Variants in CDC20B observed in about 807,000 individuals in gnomAD.
CDC20B encodes the protein cell division cycle protein 20 homolog B.
Under a neutral mutation model 64.1 loss-of-function variants are expected in CDC20B, and 58 were observed. The observed-to-expected ratio is 0.90, with a 90% CI of 0.73 to 1.13. CDC20B has a LOEUF of 1.13. CDC20B is among the 50% of genes most tolerant of loss of function. The pLI is 0.00. For synonymous variants in CDC20B, 243 were observed against 230.6 expected, an observed-to-expected ratio of 1.05 and a Z score of -0.49; for missense variants, 597 against 633.0, an observed-to-expected ratio of 0.94 and a Z score of 0.61.
intron 3 of CDC20B, among the ~76,000 whole-genome samples, chr5:55,144,904 C>T (rs1021035955): frequency 2.0e-5 from 3 of 152,110 alleles, no homozygotes; most frequent in Non-Finnish European, 4.4e-5. Flanking sequence ...TCTTCTAAAA[C>T]AAAAAGAAAG....
chr5:55,160,189 C>T (rs1352008429), intron 2 of CDC20B: 4 of 1,612,442 alleles, frequency 2.5e-6, no homozygotes, highest in Non-Finnish European at 3.4e-6. Flanking sequence ...TAGAATCCTC[C>T]AACATGGAGC....
At chr5:55,116,379 C>A (rs1742627154) in intron 11 of CDC20B, among the ~76,000 whole-genome samples, 1 of 152,084 alleles carries the variant, frequency 6.6e-6, no homozygotes, top group East Asian at 1.9e-4. Flanking sequence ...CCAGCCTGGG[C>A]AACATAGAAA....
At chr5:55,127,047 G>A (rs1033408675) in intron 8 of CDC20B, among the ~76,000 whole-genome samples, 5 of 152,116 alleles carry the variant, frequency 3.3e-5, no homozygotes, top group African/African-American at 7.2e-5. Context: ...CCATGCAGAA[G>A]GCACACATGA....
At chr5:55,125,099 T>G in intron 8 of CDC20B, 71 bp from the exon 9 acceptor site, 1 of 1,273,840 alleles carries the variant, frequency 7.9e-7, no homozygotes, top group Non-Finnish European at 1.1e-6. Flanking sequence ...GAGGAAAGCA[T>G]AGTTCAAAGT....
In CDC20B at chr5:55,173,089, T is replaced by C. The variant is rs1277076486; in HGVS notation, c.-89A>G. On this transcript the variant is annotated 5_prime_UTR_variant, in exon 1 of 12. Transcript: ENST00000381375. ...CCAGGTCTAAGTCAGTCTTGACGCCTAATCGTCAAACCCCTGGAGTCCCGT... is the reference window on the plus strand; with the variant it reads ...CCAGGTCTAAGTCAGTCTTGACGCCCAATCGTCAAACCCCTGGAGTCCCGT... The C allele has an allele frequency of 8.3e-7, 1 of 1,210,646 alleles. No individual in the cohort carries two copies. Among genetic ancestry groups the C allele is most frequent in the South Asian group, 1.3e-5 (1 of 76,668 alleles). The allele number at this position is 1,210,646 out of a possible 1,614,324, so 75.0% of individuals were successfully genotyped here.
chr5:55,115,794 AAGAG>A (rs1742608493), intron 11 of CDC20B, among the ~76,000 whole-genome samples: 1 of 152,190 alleles, frequency 6.6e-6, no homozygotes, highest in African/African-American at 2.4e-5. Flanking sequence ...TTCCACTCCC[AAGAG>A]AGACATATTT....
chr5:55,136,511 A>T (rs1329369797), intron 5 of CDC20B: 2 of 151,804 alleles, frequency 1.3e-5, no homozygotes, highest in East Asian at 3.9e-4. Context: ...ATGAGCCAAG[A>T]TCACACTACT....
At chr5:55,168,104 T>C (rs569753016) in intron 2 of CDC20B, among the ~76,000 whole-genome samples, 1 of 152,086 alleles carries the variant, frequency 6.6e-6, no homozygotes, top group East Asian at 1.9e-4. Context: ...TCCCATCAAA[T>C]AAAATTCTAA....
chr5:55,123,161 T>C (rs187796177), intron 9 of CDC20B, among the ~76,000 whole-genome samples: 15 of 152,330 alleles, frequency 9.8e-5, no homozygotes, highest in Admixed American at 8.5e-4. Context: ...TACGGTTTAA[T>C]AAATCTGGTG....
intron 3 of CDC20B, among the ~76,000 whole-genome samples, chr5:55,144,169 C>T (rs1246352596): frequency 1.3e-5 from 2 of 152,108 alleles, no homozygotes; most frequent in East Asian, 3.9e-4. Flanking sequence ...TAATCATGAG[C>T]AAATCACTTT....
Position 55,124,956 on chromosome 5 carries a change from G to A in CDC20B, c.1062C>T (p.His354=). 1 of 1,614,190 alleles carries A rather than the reference G, an allele frequency of 6.2e-7. No homozygotes were observed. Among genetic ancestry groups the A allele is most frequent in the Non-Finnish European group, 8.5e-7 (1 of 1,180,020 alleles). ...ACTTCAGAGCACACACAGCTTGCTT[G>A]TGGCGAAGTGTTCCAACATGATGCT... ...VAQHHVGTLR[H]KQAVCALKWS... The change falls in exon 9 of 12, where the codon CAC becomes CAT. Residue 354 remains histidine, a synonymous_variant. Transcript: ENST00000381375.
At chr5:55,154,446 G>A (rs1357436443) in intron 2 of CDC20B, among the ~76,000 whole-genome samples, 1 of 152,148 alleles carries the variant, frequency 6.6e-6, no homozygotes, top group Non-Finnish European at 1.5e-5. Flanking sequence ...GATCCTGGGA[G>A]GTCGACGCTG....
chr5:55,125,031 G>A lies in CDC20B; in HGVS notation c.990-3C>T. The A allele has an allele frequency of 1.2e-6, 2 of 1,604,710 alleles. No homozygotes were observed. The highest frequency in any genetic ancestry group is 1.3e-5 in the African/African-American group (1 of 74,894). ...AAACACGCCCCAGTCTTGACCCACT[G>A]CGAGTTTACATAACAAAAAAATTAA... On this transcript the variant is annotated splice_region_variant and splice_polypyrimidine_tract_variant and intron_variant, in intron 8 of 11. Coordinates refer to ENST00000381375, the MANE Select transcript of CDC20B (RefSeq NM_001170402.1).
chr5:55,124,853 T>C lies in CDC20B; in HGVS notation c.1165A>G (p.Ser389Gly), dbSNP rs1200400064. 3 of 1,614,092 alleles carry C rather than the reference T, an allele frequency of 1.9e-6. No individual in the cohort carries two copies. The highest frequency in any genetic ancestry group is 2.5e-6 in the Non-Finnish European group (3 of 1,180,028). The change falls in exon 9 of 12, where the codon AGT becomes GGT. Residue 389 changes from serine (S) to glycine (G), a missense_variant. Physicochemically the swap from Ser to Gly is moderately conservative, Grantham distance 56. Coordinates refer to ENST00000381375, the MANE Select transcript of CDC20B (RefSeq NM_001170402.1). ...ACTTTCAGCGGTTGGCCCTGTGCAC[T>C]GGCACCTGGATCGTGGGGCCATATT... Reference protein sequence around the residue: ...LTIWPHDPGASAQGQPLKVIT... With the variant: ...LTIWPHDPGAGAQGQPLKVIT...
At chr5:55,137,456 G>A in intron 5 of CDC20B, 1 of 438,322 alleles carries the variant, frequency 2.3e-6, no homozygotes, top group South Asian at 1.6e-5. Flanking sequence ...GATAACATTT[G>A]TCCCCGTGAT....
intron 2 of CDC20B, among the ~76,000 whole-genome samples, chr5:55,171,498 G>A (rs1051257702): frequency 6.6e-5 from 10 of 152,154 alleles, no homozygotes; most frequent in African/African-American, 2.4e-4. Flanking sequence ...TTTAAGAAAT[G>A]TAAGGGCTTA....
intron 6 of CDC20B, among the ~76,000 whole-genome samples, chr5:55,129,786 T>A (rs1430561346): frequency 1.3e-5 from 2 of 152,224 alleles, no homozygotes; most frequent in African/African-American, 4.8e-5. Context: ...AAGAAACTGA[T>A]CTAAGATTTG....
chr5:55,117,420 A>G (rs142374060), intron 11 of CDC20B, among the ~76,000 whole-genome samples: 2 of 152,310 alleles, frequency 1.3e-5, no homozygotes, highest in Non-Finnish European at 2.9e-5. Flanking sequence ...CTACATAACT[A>G]TAACATAAGT....
rs1744453922 is a variant in CDC20B at position 55,167,509 on chromosome 5, C to T, written c.126+5079G>A. ...CTCAATGTAAATGCTCATGCTCCCT[C>T]ATGGTCAATTTCAATCTACCACTGG... On this transcript the variant is annotated intron_variant, in intron 2 of 11. Transcript: ENST00000381375. Among the ~76,000 whole-genome samples the T allele has an allele frequency of 2.0e-5, 3 of 152,268 alleles. No homozygotes were observed. In the South Asian group the frequency reaches 6.2e-4, roughly 32 times the overall value.
Sources: allele counts gnomAD v4.1 joint callset (sites outside exome capture counted in the v4.1 genomes callset), GRCh38; gene constraint gnomAD v4.1.1; transcripts MANE v1.5; gene names NCBI Gene and HGNC (gene_info 2026-07-23, HGNC 2026-07-21).